The following FGB variants were observed in gnomAD, a reference collection of about 807,000 sequenced individuals.
FGB encodes fibrinogen beta chain.
Under a neutral mutation model 57.9 loss-of-function variants are expected in FGB, and 25 were observed. The ratio of observed to expected loss-of-function variants is 0.43; its 90% confidence interval spans 0.31 to 0.60. FGB has a LOEUF of 0.60. Among genes scored for constraint, FGB ranks in the 20% least tolerant of loss-of-function variants. The probability of loss-of-function intolerance (pLI) is 0.08; values close to 1 mark genes in which losing one functional copy is unlikely to be tolerated. For synonymous variants in FGB, 203 were observed against 199.2 expected (o/e 1.02, Z -0.16); for missense variants, 536 against 598.4 (o/e 0.90, Z 1.09).
In FGB at chr4:154,567,771, T is replaced by A. The variant is rs1396702481; in HGVS notation, c.669T>A (p.Cys223Ter). The A allele has an allele frequency of 6.2e-7, 1 of 1,614,128 alleles. No individual in the cohort carries two copies. Among genetic ancestry groups the A allele is most frequent in the Non-Finnish European group, 8.5e-7 (1 of 1,180,000 alleles). The change falls in exon 4 of 8, where the codon TGT becomes TGA. Residue 223 changes from cysteine (C) to a stop codon, truncating the protein, a stop_gained. Transcript: ENST00000302068. LOFTEE classifies it high-confidence loss of function. ...ATGTCTCAGCTCAAATGGAATATTG[T>A]CGCACCCCATGCACTGTCAGTTGCA... Reference protein sequence around the residue: ...ESDVSAQMEYCRTPCTVSCNI... With the variant: ...ESDVSAQMEY
chr4:154,570,949 T>C lies in FGB; in HGVS notation c.*299T>C. 2.4e-6 allele frequency: 1 copy of C among 410,604 alleles called. No individual in the cohort carries two copies. Among genetic ancestry groups the C allele is most frequent in the South Asian group, 2.3e-5 (1 of 42,816 alleles). The allele number at this position is 410,604 out of a possible 1,614,324, so 25.4% of individuals were successfully genotyped here. On this transcript the variant is annotated 3_prime_UTR_variant, in exon 8 of 8. Coordinates refer to ENST00000302068, the MANE Select transcript of FGB (RefSeq NM_005141.5). ...AATAAGGAAGAGGGGTCTTTTATCCTTGTCGTAGGAAAACCATGACGGAAA... is the reference window on the plus strand; with the variant it reads ...AATAAGGAAGAGGGGTCTTTTATCCCTGTCGTAGGAAAACCATGACGGAAA...
rs779988201 is a variant in FGB at position 154,568,442 on chromosome 4, C to A, written c.780C>A (p.Asp260Glu). The A allele has an allele frequency of 2.5e-6, 4 of 1,609,486 alleles. No homozygotes were observed. The Admixed American group carries it at 6.7e-5, about 27-fold the overall frequency. ...CTGAAATGTATCTCATTCAACCTGA[C>A]AGTTCTGTCAAACCGTATAGAGTAT... ...ETSEMYLIQP[D>E]SSVKPYRVYC... is the part of the protein sequence containing the mutation. Residue 260 changes from aspartate (D) to glutamate (E), a missense_variant, in exon 5 of 8, where the codon GAC (aspartate) becomes GAA (glutamate). Coordinates refer to ENST00000302068, the MANE Select transcript of FGB (RefSeq NM_005141.5).
At position 154,563,211 on chromosome 4, in the gene FGB, T is replaced by A. The variant is rs1467267655; in HGVS notation, c.114+79T>A. On this transcript the variant is annotated intron_variant, in intron 1 of 7. Transcript: ENST00000302068. ...TAACATAATCATATTATGTGCTTAT[T>A]TTAATGAAATTAGCATTGCTTATAG... 7.5e-6 allele frequency: 5 copies of A among 665,970 alleles called. No individual in the cohort carries two copies. The Admixed American group carries it at 1.2e-4, about 15-fold the overall frequency. The allele number at this position is 665,970 out of a possible 1,614,324, so 41.3% of individuals were successfully genotyped here. A position where few individuals can be genotyped will look rare whatever the true frequency, so the allele number is the denominator to read the frequency against.
At chr4:154,566,805 CT>C in intron 3 of FGB, 133 bp downstream of exon 3, 2 of 818,478 alleles carry the variant, frequency 2.4e-6, no homozygotes, top group East Asian at 5.2e-5. Context: ...TTTTGGGCAC[CT>C]TCCCCTGCAA....
intron 1 of FGB, among the ~76,000 whole-genome samples, chr4:154,564,335 T>C (rs1233386822): frequency 2.6e-5 from 4 of 152,080 alleles, no homozygotes; most frequent in Non-Finnish European, 5.9e-5. Flanking sequence ...CCATGCTACC[T>C]CTCTAGTGGC....
chr4:154,567,076 G>A (rs1476412695), intron 3 of FGB, among the ~76,000 whole-genome samples: 5 of 152,220 alleles, frequency 3.3e-5, no homozygotes, highest in African/African-American at 1.2e-4. Flanking sequence ...AGGTCAGAAT[G>A]TTGAGTGCTG....
rs1560819951 is a variant in FGB at position 154,572,175 on chromosome 4, A to ATTAAG, written c.*1527_*1528insAAGTT. ...TCCTGTTCCCTTCACTATAACCTAC[A>ATTAAG]TTTTTGTCACATTAAGTTTTTCCCC... is the stretch of plus-strand genomic sequence containing the variant. On this transcript the variant is annotated 3_prime_UTR_variant, in exon 8 of 8. Transcript: ENST00000302068. Among the ~76,000 whole-genome samples the ATTAAG allele has an allele frequency of 6.6e-6, 1 of 152,108 alleles. No homozygotes were observed. The highest frequency in any genetic ancestry group is 2.4e-5 in the African/African-American group (1 of 41,420).
chr4:154,570,652 C>T lies in FGB; in HGVS notation c.*2C>T. The T allele has an allele frequency of 6.2e-7, 1 of 1,607,786 alleles. No homozygotes were observed. Among genetic ancestry groups the T allele is most frequent in the Non-Finnish European group, 8.5e-7 (1 of 1,174,316 alleles). On this transcript the variant is annotated 3_prime_UTR_variant, in exon 8 of 8. Coordinates refer to ENST00000302068, the MANE Select transcript of FGB (RefSeq NM_005141.5). ...AGGCCCTTCTTCCCACAGCAATAGT[C>T]CCCAATACGTAGATTTTTGCTCTTC...
Position 154,571,453 on chromosome 4 carries a change from C to T in FGB, c.*803C>T, listed in dbSNP as rs1182197932. On this transcript the variant is annotated 3_prime_UTR_variant, in exon 8 of 8. Transcript: ENST00000302068. The stretch of plus-strand genomic sequence containing the variant: ...CACTGCACTCCAGCCTGGGCAACAG[C>T]GTGAGACTCCACCTCAAAAAAAAAA... Among the ~76,000 whole-genome samples the T allele has an allele frequency of 6.9e-6, 1 of 144,230 alleles. No homozygotes were observed. The allele number at this position is 144,230 out of a possible 152,430, so 94.6% of individuals were successfully genotyped here. A position where few individuals can be genotyped will look rare whatever the true frequency, so the allele number is the denominator to read the frequency against.
rs961289746 is a variant in FGB at position 154,570,791 on chromosome 4, A to G, written c.*141A>G. 5 of 715,998 alleles carry G rather than the reference A, an allele frequency of 7.0e-6. No individual in the cohort carries two copies. Among genetic ancestry groups the G allele is most frequent in the Non-Finnish European group, 1.3e-5 (5 of 392,192 alleles). 44.4% of individuals were successfully genotyped at this position (715,998 alleles called of 1,614,324 possible). A position where few individuals can be genotyped will look rare whatever the true frequency, so the allele number is the denominator to read the frequency against. On this transcript the variant is annotated 3_prime_UTR_variant, in exon 8 of 8. Transcript: ENST00000302068. ...TGACTTTTTGAAAAAAGTATAGGAT[A>G]AATTACATTAAAATAGCACATGATT...
Position 154,565,892 on chromosome 4 carries a change from A to T in FGB, c.199A>T (p.Ser67Cys). The T allele has an allele frequency of 6.2e-7, 1 of 1,614,156 alleles. No homozygotes were observed. Among genetic ancestry groups the T allele is most frequent in the East Asian group, 2.2e-5 (1 of 44,872 alleles). The change falls in exon 2 of 8, where the codon AGT becomes TGT. Residue 67 changes from serine to cysteine, a missense_variant. By Grantham distance (112) the Ser-to-Cys change is moderately radical (BLOSUM62 -1). Around this residue, in one of 3 missense-constraint regions of FGB, gnomAD observed 354 missense variants for 383.4 expected, o/e 0.92. Coordinates refer to ENST00000302068, the MANE Select transcript of FGB (RefSeq NM_005141.5). ...CCTGAGGCCTGCCCCACCGCCCATCAGTGGAGGTGGCTATCGGGCTCGTCC... is the reference window on the plus strand; with the variant it reads ...CCTGAGGCCTGCCCCACCGCCCATCTGTGGAGGTGGCTATCGGGCTCGTCC... Reference protein sequence around the residue: ...PSLRPAPPPISGGGYRARPAK... With the variant: ...PSLRPAPPPICGGGYRARPAK...
rs377741367 is a variant in FGB, at chr4:154,567,661, G to A, written c.559G>A (p.Val187Met). 1.9e-6 allele frequency: 3 copies of A among 1,613,346 alleles called. No individual in the cohort carries two copies. The highest frequency in any genetic ancestry group is 1.7e-6 in the Non-Finnish European group (2 of 1,179,318). Residue 187 changes from valine to methionine, a missense_variant, in exon 4 of 8, where the codon GTG becomes ATG. Val to Met is a conservative substitution (Grantham distance 21). This residue lies in a region of FGB where 354 missense variants were observed against 383.4 expected (regional missense o/e 0.92). Coordinates refer to ENST00000302068, the MANE Select transcript of FGB (RefSeq NM_005141.5). ...GCACCAATTATATATAGATGAGACT[G>A]TGAATAGCAATATCCCAACTAACCT... ...EKHQLYIDET[V>M]NSNIPTNLRV...
At chr4:154,565,518 T>C in intron 1 of FGB, 1 of 392,800 alleles carries the variant, frequency 2.5e-6, no homozygotes, top group Non-Finnish European at 4.7e-6. Flanking sequence ...AGTTCCAATG[T>C]ATGTTTTAGG....
chr4:154,566,094 C>T, intron 2 of FGB, 95 bp downstream of exon 2: 2 of 1,011,176 alleles, frequency 2.0e-6, no homozygotes, highest in Non-Finnish European at 3.0e-6. Context: ...ACCCACATTA[C>T]CATCACTGTT....
At chr4:154,569,475 T>C in intron 6 of FGB, 39 bp from the exon 7 acceptor site, 1 of 1,600,728 alleles carries the variant, frequency 6.2e-7, no homozygotes, top group Non-Finnish European at 8.5e-7. Flanking sequence ...TTTCCCAAAA[T>C]TTTATTTTTG....
chr4:154,570,811 A>G lies in FGB; in HGVS notation c.*161A>G. On this transcript the variant is annotated 3_prime_UTR_variant, in exon 8 of 8. Coordinates refer to ENST00000302068, the MANE Select transcript of FGB (RefSeq NM_005141.5). ...AGGATAAATTACATTAAAATAGCAC[A>G]TGATTTTCTTTTGTTTTCTTCATTT... 2 of 680,958 alleles carry G rather than the reference A, an allele frequency of 2.9e-6. No homozygotes were observed. The highest frequency in any genetic ancestry group is 2.7e-5 in the East Asian group (1 of 36,704). 42.2% of individuals were successfully genotyped at this position (680,958 alleles called of 1,614,324 possible).
chr4:154,572,571 C>G lies in FGB; in HGVS notation c.*1921C>G, dbSNP rs1402301650. 6.6e-6 allele frequency among the ~76,000 whole-genome samples: 1 copy of G among 152,212 alleles called. No homozygotes were observed. The highest frequency in any genetic ancestry group is 6.5e-5 in the Admixed American group (1 of 15,270). ...AGGCAGGGAGTTCAAGTGTCCTTCA[C>G]AGATAAGAAGTGAATCTCTCTGGGT... On this transcript the variant is annotated 3_prime_UTR_variant, in exon 8 of 8. Transcript: ENST00000302068.
chr4:154,565,503 T>TC, intron 1 of FGB: 1 of 361,560 alleles, frequency 2.8e-6, no homozygotes, highest in Non-Finnish European at 5.2e-6. Context: ...CTTTACAATT[T>TC]CGTAAGTTCC....
intron 4 of FGB, 94 bp from the exon 5 acceptor site, chr4:154,568,287 G>C: frequency 3.9e-6 from 3 of 770,124 alleles, no homozygotes; most frequent in Non-Finnish European, 7.1e-6. Flanking sequence ...ACACTCCTTA[G>C]TAACTTATGT....
Sources: gnomAD v4.1 joint callset for allele counts (sites outside exome capture counted in the v4.1 genomes callset) on GRCh38, gnomAD v4.1.1 for gene constraint, gnomAD v4.1.1 regional missense constraint, MANE v1.5 for transcripts, NCBI Gene and HGNC (gene_info 2026-07-23, HGNC 2026-07-21) for gene names.